SLC4A8: variants seen among roughly 807,000 people sequenced by gnomAD.
The protein encoded by SLC4A8 is electroneutral sodium bicarbonate exchanger 1.
Under a neutral mutation model 125.0 loss-of-function variants are expected in SLC4A8, and 40 were observed. The observed-to-expected ratio is 0.32, with a 90% CI of 0.25 to 0.42. The LOEUF is 0.42. Ranked by LOEUF, SLC4A8 falls within the 10% of genes least tolerant of loss-of-function variation. The pLI, the probability that SLC4A8 is intolerant of heterozygous loss-of-function variation, is 1.00. For missense variants in SLC4A8, 863 were observed against 1,355.1 expected (o/e 0.64, Z 5.70); for synonymous variants, 456 against 476.0 (o/e 0.96, Z 0.55).
intron 7 of SLC4A8, among the ~76,000 whole-genome samples, chr12:51,459,595 T>C (rs1592220192): frequency 6.6e-6 from 1 of 152,124 alleles, no homozygotes; most frequent in African/African-American, 2.4e-5. Flanking sequence ...TGGGGCCAGG[T>C]GCAGTGGCTA....
intron 1 of SLC4A8, among the ~76,000 whole-genome samples, chr12:51,434,938 C>G (rs1449349541): frequency 6.6e-6 from 1 of 152,080 alleles, no homozygotes; most frequent in South Asian, 2.1e-4. Context: ...GGGATACTTA[C>G]CATGTACTGG....
upstream of SLC4A8, chr12:51,422,225 A>G (rs1381947818): frequency 1.3e-5 from 2 of 152,214 alleles, no homozygotes. Context: ...TAAATGACAC[A>G]ATGCATTTAT....
chr12:51,463,414 T>A (rs1391056269), intron 10 of SLC4A8, among the ~76,000 whole-genome samples, 200 bp from the exon 11 acceptor site: 1 of 59,164 alleles, frequency 1.7e-5, no homozygotes, highest in Non-Finnish European at 3.6e-5. Flanking sequence ...TTATGGGGTG[T>A]GTGTGTGTGT....
At chr12:51,411,736 T>C (rs570057496) in intron 1 of SLC4A8, among the ~76,000 whole-genome samples, 24 of 152,324 alleles carry the variant, frequency 1.6e-4, no homozygotes, top group Non-Finnish European at 2.8e-4. Context: ...TCTTCTGCAG[T>C]GTCAGTTGAA....
chr12:51,448,546 A>G (rs1242936312), intron 2 of SLC4A8, among the ~76,000 whole-genome samples: 1 of 152,196 alleles, frequency 6.6e-6, no homozygotes, highest in Non-Finnish European at 1.5e-5. Context: ...AGGGCCAAGG[A>G]CAGAAACTTG....
chr12:51,471,492 A>G lies in SLC4A8; in HGVS notation c.1864A>G (p.Ile622Val). The G allele has an allele frequency of 3.1e-6, 5 of 1,614,184 alleles. No individual in the cohort carries two copies. The highest frequency in any genetic ancestry group is 4.2e-6 in the Non-Finnish European group (5 of 1,180,022). Residue 622 changes from isoleucine (I) to valine (V), a missense_variant, in exon 14 of 25, where the codon ATC (isoleucine) becomes GTC (valine). Physicochemically the swap from Ile to Val is conservative, Grantham distance 29. Transcript: ENST00000453097. ...GATTCACCTGGCAGAGACCTACCCC[A>G]TCCACATGCACAGCCAGCTGGACCA... ...KLIHLAETYP[I>V]HMHSQLDHLS...
chr12:51,452,021 T>C, intron 3 of SLC4A8, 103 bp from the exon 4 acceptor site: 1 of 1,011,242 alleles, frequency 9.9e-7, no homozygotes, highest in Non-Finnish European at 1.5e-6. Context: ...TCTGCATTCG[T>C]GGTTGTCTAT....
intron 22 of SLC4A8, among the ~76,000 whole-genome samples, chr12:51,500,621 A>G (rs1645346787): frequency 6.6e-6 from 1 of 151,886 alleles, no homozygotes; most frequent in Admixed American, 6.6e-5. Context: ...GTTTTATATT[A>G]CTTTGAACAT....
In SLC4A8 at chr12:51,425,041, GCCCCGCCTC is replaced by G. The variant is rs1251942440; in HGVS notation, c.48+9_48+17del. On this transcript the variant is annotated splice_region_variant and intron_variant, in intron 1 of 24. Transcript: ENST00000453097. ...ACGGCGTCCTCAGCTATCAGGTAGG[GCCCCGCCTC>G]CCGCGCCTCCCGCTCCTCCCCGGGG... 6.4e-6 allele frequency: 10 copies of G among 1,553,436 alleles called. No homozygotes were observed. The highest frequency in any genetic ancestry group is 8.7e-6 in the Non-Finnish European group (10 of 1,149,174).
At chr12:51,486,050 G>T in intron 17 of SLC4A8, 150 bp downstream of exon 17, 1 of 500,248 alleles carries the variant, frequency 2.0e-6, no homozygotes, top group South Asian at 4.5e-5. Context: ...ATGTAGAAAA[G>T]CAAACTTCAG....
At chr12:51,424,028 C>G (rs1226852196), upstream of SLC4A8, among the ~76,000 whole-genome samples, 1 of 93,838 alleles carries the variant, frequency 1.1e-5, no homozygotes, top group Non-Finnish European at 2.0e-5. Flanking sequence ...AAGAGTGAAA[C>G]TTCGTCTCCA....
intron 2 of SLC4A8, among the ~76,000 whole-genome samples, chr12:51,445,756 C>T (rs1477812495): frequency 6.6e-6 from 1 of 152,066 alleles, no homozygotes; most frequent in East Asian, 1.9e-4. Flanking sequence ...TCTCCCTTCT[C>T]CATCCTACCC....
chr12:51,412,073 A>G (rs2137972039), intron 1 of SLC4A8, among the ~76,000 whole-genome samples: 1 of 152,198 alleles, frequency 6.6e-6, no homozygotes, highest in Non-Finnish European at 1.5e-5. Flanking sequence ...AAAAAAGAAA[A>G]ATTGTTACTG....
chr12:51,490,067 G>C (rs1019946299), intron 19 of SLC4A8, 116 bp downstream of exon 19: 2 of 961,928 alleles, frequency 2.1e-6, no homozygotes, highest in Non-Finnish European at 1.6e-6. Flanking sequence ...TCCCTGCCCT[G>C]AAAGAGTTTA....
upstream of SLC4A8, among the ~76,000 whole-genome samples, chr12:51,423,657 G>A (rs1453521642): frequency 2.0e-5 from 3 of 152,050 alleles, no homozygotes; most frequent in East Asian, 3.8e-4. Flanking sequence ...GCTTCTTTAG[G>A]GGCTGAGAAT....
In SLC4A8 at chr12:51,442,904, G is replaced by A. The variant is rs577383162; in HGVS notation, c.130+2115G>A. Among the ~76,000 whole-genome samples the A allele has an allele frequency of 3.7e-4, 56 of 152,060 alleles. 1 individual carries two copies. Among genetic ancestry groups the A allele is most frequent in the Non-Finnish European group, 6.2e-4 (42 of 68,006 alleles). ...ATCTCTTGAAGGCATAGAATAAAAC[G>A]AGTACCATTTTGATGGAACACAGAA... is the stretch of plus-strand genomic sequence containing the variant. On this transcript the variant is annotated intron_variant, in intron 2 of 24. Transcript: ENST00000453097.
chr12:51,496,185 C>T (rs1951455084), intron 21 of SLC4A8, among the ~76,000 whole-genome samples: 1 of 152,150 alleles, frequency 6.6e-6, no homozygotes, highest in Non-Finnish European at 1.5e-5. Flanking sequence ...CCTATCAATT[C>T]CAGATGTATT....
In SLC4A8 at chr12:51,463,713, C is replaced by A. The variant is rs765315391; in HGVS notation, c.1348C>A (p.Arg450=). 1.9e-6 allele frequency: 3 copies of A among 1,607,300 alleles called. No individual in the cohort carries two copies. Among genetic ancestry groups the A allele is most frequent in the Non-Finnish European group, 2.6e-6 (3 of 1,174,094 alleles). The change falls in exon 11 of 25, where the codon CGG becomes AGG. Residue 450 remains arginine, a splice_region_variant and synonymous_variant. Transcript: ENST00000453097. ...HSGPELQRTG[R]LFGGLVLDIK... is the part of the protein sequence containing the mutation. ...TGGGCCAGAACTTCAGCGCACTGGG[C>A]GGTAAGTCCTGGGACGTTTCACAGC...
intron 14 of SLC4A8, among the ~76,000 whole-genome samples, chr12:51,473,485 C>CT (rs1229315685): frequency 2.0e-5 from 3 of 152,086 alleles, no homozygotes; most frequent in African/African-American, 7.2e-5. Context: ...ATAGCTTTCC[C>CT]TATTACTTTT....
Sources: allele counts gnomAD v4.1 joint callset (sites outside exome capture counted in the v4.1 genomes callset), GRCh38; gene constraint gnomAD v4.1.1; transcripts MANE v1.5; gene names NCBI Gene and HGNC (gene_info 2026-07-23, HGNC 2026-07-21).